Variants in L3MBTL4 observed in about 807,000 individuals in gnomAD.
The protein encoded by L3MBTL4 is lethal(3)malignant brain tumor-like protein 4.
Under a neutral mutation model 84.5 loss-of-function variants are expected in L3MBTL4, and 70 were observed. The observed-to-expected ratio is 0.83, with a 90% CI of 0.68 to 1.01. The LOEUF (loss-of-function observed/expected upper bound fraction) is 1.01. Among genes scored for constraint, L3MBTL4 ranks in the 50% least tolerant of loss-of-function variants. The pLI is 0.00. For synonymous variants in L3MBTL4, 274 were observed against 259.8 expected (o/e 1.05, Z -0.52); for missense variants, 715 against 754.8 (o/e 0.95, Z 0.62).
At chr18:6,144,005 G>A (rs1359027004) in intron 13 of L3MBTL4, among the ~76,000 whole-genome samples, 1 of 152,028 alleles carries the variant, frequency 6.6e-6, no homozygotes, top group African/African-American at 2.4e-5. Flanking sequence ...AGACTATCCT[G>A]GCTAACACGG....
chr18:6,342,315 A>G (rs760384412), intron 1 of L3MBTL4, among the ~76,000 whole-genome samples: 4 of 152,316 alleles, frequency 2.6e-5, no homozygotes, highest in South Asian at 2.1e-4. Context: ...AAAAATAACT[A>G]TAGCTACAAA....
At chr18:6,256,037 C>G (rs1306259499) in intron 5 of L3MBTL4, among the ~76,000 whole-genome samples, 1 of 152,200 alleles carries the variant, frequency 6.6e-6, no homozygotes, top group African/African-American at 2.4e-5. Flanking sequence ...ATGTTCACAG[C>G]ACAAACACTT....
chr18:6,220,519 G>A (rs902997177), intron 10 of L3MBTL4, among the ~76,000 whole-genome samples: 3 of 152,040 alleles, frequency 2.0e-5, no homozygotes, highest in African/African-American at 4.8e-5. Flanking sequence ...ATAATAGGGA[G>A]CCCCCCTCCC....
At chr18:6,170,870 A>G (rs1376309201) in intron 13 of L3MBTL4, among the ~76,000 whole-genome samples, 1 of 152,102 alleles carries the variant, frequency 6.6e-6, no homozygotes, top group Non-Finnish European at 1.5e-5. Context: ...GGAGTCCCCC[A>G]TATGGTGCTG....
At chr18:6,324,669 C>T (rs78795155) in intron 1 of L3MBTL4, among the ~76,000 whole-genome samples, 1,982 of 152,162 alleles carry the variant, frequency 0.013, 33 homozygotes, top group African/African-American at 0.046. Flanking sequence ...TAGAGTGGGC[C>T]CCCAGAGCAA....
At position 6,044,122 on chromosome 18, in the gene L3MBTL4, G is replaced by A. The variant is rs146115817; in HGVS notation, c.1444+36759C>T. ...AGTTTAAATATGAATGTCTTCTCAA[G>A]AGCATTAGTAAGGGATAGCTACTTT... On this transcript the variant is annotated intron_variant, in intron 16 of 18. Transcript: ENST00000317931. Among the ~76,000 whole-genome samples, 32 of 152,168 alleles carry A rather than the reference G, an allele frequency of 2.1e-4. 1 individual carries two copies. The highest frequency in any genetic ancestry group is 1.2e-4 in the Non-Finnish European group (8 of 68,030).
intron 14 of L3MBTL4, among the ~76,000 whole-genome samples, chr18:6,130,252 C>G (rs1038932776): frequency 6.7e-6 from 1 of 150,134 alleles, no homozygotes; most frequent in East Asian, 2.0e-4. Context: ...ACTGACACCC[C>G]CCACCCGCCA....
chr18:6,178,361 T>C (rs2044318127), intron 12 of L3MBTL4, among the ~76,000 whole-genome samples: 1 of 152,198 alleles, frequency 6.6e-6, no homozygotes, highest in South Asian at 2.1e-4. Flanking sequence ...TTATGAAAGA[T>C]ATTTTCATAT....
intron 12 of L3MBTL4, among the ~76,000 whole-genome samples, chr18:6,181,818 CTG>C (rs1183104721): frequency 6.6e-6 from 1 of 152,168 alleles, no homozygotes; most frequent in Non-Finnish European, 1.5e-5. Flanking sequence ...AGCTCCATCT[CTG>C]TTGCTATAAA....
intron 16 of L3MBTL4, among the ~76,000 whole-genome samples, chr18:6,018,244 C>T (rs1314208474): frequency 6.6e-6 from 1 of 152,164 alleles, no homozygotes; most frequent in Non-Finnish European, 1.5e-5. Context: ...ACCCCAAGGA[C>T]AGTGACTCCC....
intron 16 of L3MBTL4, among the ~76,000 whole-genome samples, chr18:5,986,417 C>T (rs549827): frequency 0.21 from 32,355 of 152,096 alleles, 6,089 homozygotes; most frequent in African/African-American, 0.5. Flanking sequence ...TAATATTCTG[C>T]TTTTTCGTCT....
chr18:6,019,966 C>T (rs1485379713), intron 16 of L3MBTL4, among the ~76,000 whole-genome samples: 3 of 152,182 alleles, frequency 2.0e-5, no homozygotes, highest in African/African-American at 7.2e-5. Context: ...CAGGGTGCAT[C>T]ATTTATTCGG....
At chr18:6,018,347 C>T (rs1207247325) in intron 16 of L3MBTL4, among the ~76,000 whole-genome samples, 1 of 152,188 alleles carries the variant, frequency 6.6e-6, no homozygotes, top group Non-Finnish European at 1.5e-5. Flanking sequence ...GGGGCTTGAG[C>T]ATGTGCACGT....
At chr18:6,188,494 A>T (rs2044895496) in intron 12 of L3MBTL4, among the ~76,000 whole-genome samples, 1 of 152,212 alleles carries the variant, frequency 6.6e-6, no homozygotes, top group African/African-American at 2.4e-5. Context: ...CTCACTGTGG[A>T]TACTAAGAAG....
rs757256982 is a variant in L3MBTL4, at chr18:6,150,452, TAC to T, written c.1097-12158_1097-12157del. ...ACACACACACACACACACACGCACA[TAC>T]ACACACACAATTACACAATGTATAA... On this transcript the variant is annotated intron_variant, in intron 13 of 18. Coordinates refer to ENST00000317931, the MANE Select transcript of L3MBTL4 (RefSeq NM_001330559.2). Among the ~76,000 whole-genome samples, 132 of 151,664 alleles carry T rather than the reference TAC, an allele frequency of 8.7e-4. 1 individual carries two copies. The highest frequency in any genetic ancestry group is 3.0e-3 in the African/African-American group (123 of 41,354).
chr18:6,378,579 C>A (rs2054467453), intron 1 of L3MBTL4, among the ~76,000 whole-genome samples: 2 of 152,040 alleles, frequency 1.3e-5, no homozygotes, highest in South Asian at 4.2e-4. Context: ...ATAGGGAATC[C>A]TTTCCCCATT....
chr18:6,318,873 T>A (rs550192323), intron 1 of L3MBTL4, among the ~76,000 whole-genome samples: 135 of 152,218 alleles, frequency 8.9e-4, no homozygotes, highest in African/African-American at 3.2e-3. Flanking sequence ...ATAGACCATA[T>A]AACAGGCCAC....
chr18:6,274,888 A>G (rs1391028558), intron 4 of L3MBTL4, among the ~76,000 whole-genome samples: 1 of 152,196 alleles, frequency 6.6e-6, no homozygotes, highest in Admixed American at 6.5e-5. Context: ...AGACGTGAAA[A>G]AACTGGACAA....
intron 1 of L3MBTL4, among the ~76,000 whole-genome samples, chr18:6,400,881 C>T (rs891415392): frequency 2.0e-5 from 3 of 152,150 alleles, no homozygotes; most frequent in Non-Finnish European, 4.4e-5. Context: ...GTGCTGACCA[C>T]GGGCAGAGCA....
Sources: gnomAD v4.1 joint callset for allele counts (sites outside exome capture counted in the v4.1 genomes callset) on GRCh38, gnomAD v4.1.1 for gene constraint, MANE v1.5 for transcripts, NCBI Gene and HGNC (gene_info 2026-07-23, HGNC 2026-07-21) for gene names.